Variants in SAMD3 observed in about 807,000 individuals in gnomAD.
SAMD3 encodes the protein sterile alpha motif domain-containing protein 3.
Under a neutral mutation model 58.5 loss-of-function variants are expected in SAMD3, and 63 were observed. The ratio of observed to expected loss-of-function variants is 1.08; its 90% confidence interval spans 0.88 to 1.33. The LOEUF (loss-of-function observed/expected upper bound fraction) is 1.33, where lower values mean the gene tolerates loss of function less well. SAMD3 is among the 40% of genes most tolerant of loss of function. The pLI is 0.00. For missense variants in SAMD3, 604 were observed against 608.4 expected (o/e 0.99, Z 0.08); for synonymous variants, 220 against 210.3 (o/e 1.05, Z -0.40).
At chr6:130,215,811 G>A (rs2114852350) in intron 2 of SAMD3, 2 of 1,534,494 alleles carry the variant, frequency 1.3e-6, no homozygotes, top group Non-Finnish European at 1.7e-6. Flanking sequence ...TGCTTCTCCT[G>A]GCTAGGAGAA....
intron 10 of SAMD3, 137 bp from the exon 11 acceptor site, chr6:130,145,559 A>G (rs930088195): frequency 1.8e-6 from 1 of 556,630 alleles, no homozygotes; most frequent in African/African-American, 1.9e-5. Context: ...AATGTTTCAC[A>G]CCTTTTTAAA....
chr6:130,298,498 T>C (rs957803926), intron 2 of SAMD3, among the ~76,000 whole-genome samples: 1 of 152,184 alleles, frequency 6.6e-6, no homozygotes, highest in Non-Finnish European at 1.5e-5. Context: ...TTAGCAACAG[T>C]ATGACAGGAA....
chr6:130,326,578 G>A (rs1348629964), intron 1 of SAMD3, among the ~76,000 whole-genome samples: 4 of 152,022 alleles, frequency 2.6e-5, no homozygotes, highest in Non-Finnish European at 5.9e-5. Flanking sequence ...CTCCTTTTGG[G>A]TAGGAATTCT....
intron 7 of SAMD3, chr6:130,183,452 C>T (rs1445576615): frequency 2.3e-6 from 1 of 434,682 alleles, no homozygotes; most frequent in African/African-American, 2.1e-5. Context: ...GCTGGAGGCC[C>T]AGACCTCAAA....
At position 130,205,173 on chromosome 6, in the gene SAMD3, T is replaced by A. The variant is rs926880099; in HGVS notation, c.383+4322A>T. ...GCTCTGTAAAAAAAAAAAAAAAAAA[T>A]TAGTATATGGATTGTATTAAAAGAT... On this transcript the variant is annotated intron_variant, in intron 5 of 11. Coordinates refer to ENST00000439090, the MANE Select transcript of SAMD3 (RefSeq NM_001017373.4). 1.9e-4 allele frequency among the ~76,000 whole-genome samples: 25 copies of A among 133,378 alleles called. No homozygotes were observed. In the East Asian group the frequency reaches 4.6e-3, roughly 25 times the overall value. The allele number at this position is 133,378 out of a possible 152,430, so 87.5% of individuals were successfully genotyped here.
At chr6:130,248,179 C>CGTGTGTGTGT (rs71810571) in intron 2 of SAMD3, among the ~76,000 whole-genome samples, 61 of 146,282 alleles carry the variant, frequency 4.2e-4, no homozygotes, top group African/African-American at 1.5e-3. Context: ...AAGTGTTTTG[C>CGTGTGTGTGT]GTGTGTGTGT....
chr6:130,168,691 T>C (rs1790947188), intron 8 of SAMD3, among the ~76,000 whole-genome samples: 1 of 152,222 alleles, frequency 6.6e-6, no homozygotes, highest in South Asian at 2.1e-4. Flanking sequence ...CTCTGCAGCA[T>C]AGGAAATAAT....
chr6:130,222,165 G>T (rs1435987362), intron 1 of SAMD3, among the ~76,000 whole-genome samples: 1 of 152,092 alleles, frequency 6.6e-6, no homozygotes, highest in African/African-American at 2.4e-5. Flanking sequence ...ACTTTAAAGG[G>T]TACTAATGCA....
At chr6:130,167,735 G>A (rs1402577179) in intron 8 of SAMD3, among the ~76,000 whole-genome samples, 1 of 152,192 alleles carries the variant, frequency 6.6e-6, no homozygotes, top group Non-Finnish European at 1.5e-5. Flanking sequence ...CATAAGAAGC[G>A]ATGGCACAGC....
At position 130,349,828 on chromosome 6, in the gene SAMD3, T is replaced by A. The variant is rs552971804; in HGVS notation, c.-304+15292A>T. 2.6e-5 allele frequency among the ~76,000 whole-genome samples: 4 copies of A among 152,206 alleles called. No individual in the cohort carries two copies. In the South Asian group the frequency reaches 8.3e-4, roughly 32 times the overall value. ...ATCGATGCAAAAATCCTCAATAAAA[T>A]ACTGGCAAATCGAATCCAGCAGCAC... On this transcript the variant is annotated intron_variant, in intron 1 of 13. Transcript: ENST00000368134.
At chr6:130,156,826 T>C (rs773109124) in intron 8 of SAMD3, among the ~76,000 whole-genome samples, 6 of 152,034 alleles carry the variant, frequency 3.9e-5, no homozygotes, top group Non-Finnish European at 7.4e-5. Context: ...TAATAAATGT[T>C]GGGAGGCCGA....
intron 2 of SAMD3, among the ~76,000 whole-genome samples, chr6:130,286,744 C>G (rs1016827109): frequency 1.3e-5 from 2 of 152,122 alleles, no homozygotes; most frequent in African/African-American, 4.8e-5. Context: ...TAGAGTCTTG[C>G]TCTGTCGCCC....
chr6:130,168,292 G>C (rs558946007), intron 8 of SAMD3, among the ~76,000 whole-genome samples: 22 of 152,194 alleles, frequency 1.4e-4, no homozygotes, highest in Non-Finnish European at 2.9e-4. Flanking sequence ...AAAATTAGCA[G>C]GGCATGGTGT....
At chr6:130,255,540 C>T (rs1773895106) in intron 2 of SAMD3, among the ~76,000 whole-genome samples, 1 of 152,136 alleles carries the variant, frequency 6.6e-6, no homozygotes, top group African/African-American at 2.4e-5. Context: ...CGCTTTTCTA[C>T]AGTTTTAAAT....
chr6:130,236,989 T>A (rs1773173495), intron 2 of SAMD3, among the ~76,000 whole-genome samples: 1 of 152,184 alleles, frequency 6.6e-6, no homozygotes, highest in Non-Finnish European at 1.5e-5. Context: ...TATCCAACCC[T>A]GCTAATAATA....
At chr6:130,185,157 C>T (rs938639635) in intron 5 of SAMD3, among the ~76,000 whole-genome samples, 1 of 152,018 alleles carries the variant, frequency 6.6e-6, no homozygotes, top group Non-Finnish European at 1.5e-5. Context: ...AACAGATATT[C>T]CGATTCTATC....
At chr6:130,332,881 G>A (rs530288248) in intron 1 of SAMD3, among the ~76,000 whole-genome samples, 23 of 152,260 alleles carry the variant, frequency 1.5e-4, no homozygotes, top group Non-Finnish European at 2.8e-4. Flanking sequence ...GAGGAGATAC[G>A]ATCCAGACCT....
intron 8 of SAMD3, among the ~76,000 whole-genome samples, chr6:130,155,250 G>T (rs1001573683): frequency 6.6e-6 from 1 of 152,128 alleles, no homozygotes; most frequent in East Asian, 1.9e-4. Context: ...AGATCTAAAA[G>T]AGTTACTTTA....
chr6:130,357,770 AC>A (rs1314358806), intron 1 of SAMD3, among the ~76,000 whole-genome samples: 5 of 152,194 alleles, frequency 3.3e-5, no homozygotes, highest in Non-Finnish European at 7.3e-5. Context: ...TGAAGGAAAA[AC>A]CTGCTGCTAC....
Sources: allele counts gnomAD v4.1 joint callset (sites outside exome capture counted in the v4.1 genomes callset), GRCh38; gene constraint gnomAD v4.1.1; transcripts MANE v1.5; gene names NCBI Gene and HGNC (gene_info 2026-07-23, HGNC 2026-07-21).